The following FBN1 variants were observed in gnomAD, a reference collection of about 807,000 sequenced individuals.
The protein encoded by FBN1 is fibrillin 1, also known as fibrillin-1.
FBN1 carries 29 observed loss-of-function variants against 365.1 expected under a neutral mutation model. The ratio of observed to expected loss-of-function variants is 0.08; its 90% CI spans 0.06 to 0.11. The LOEUF is 0.11. Among genes scored for constraint, FBN1 ranks in the 10% least tolerant of loss-of-function variants. The pLI is 1.00. For synonymous variants in FBN1, 1,210 were observed against 1,270.5 expected (o/e 0.95, Z 1.01); for missense variants, 2,476 against 3,703.2 (o/e 0.67, Z 8.60).
At chr15:48,523,595 TAAGTA>T (rs2043879357) in intron 9 of FBN1, among the ~76,000 whole-genome samples, 1 of 150,920 alleles carries the variant, frequency 6.6e-6, no homozygotes, top group African/African-American at 2.4e-5. Flanking sequence ...TACAGGCTAA[TAAGTA>T]AAGGAAGAAA....
At chr15:48,464,489 C>T (rs1039548839) in intron 40 of FBN1, among the ~76,000 whole-genome samples, 1 of 152,064 alleles carries the variant, frequency 6.6e-6, no homozygotes, top group African/African-American at 2.4e-5. Flanking sequence ...GCACTCCAGC[C>T]TGGGCAACAG....
rs1449383561 is a variant in FBN1 at position 48,600,119 on chromosome 15, T to C, written c.442+20A>G. 6.4e-7 allele frequency: 1 copy of C among 1,551,754 alleles called. No individual in the cohort carries two copies. The highest frequency in any genetic ancestry group is 1.1e-5 in the South Asian group (1 of 89,902). On this transcript the variant is annotated intron_variant, in intron 5 of 65. Transcript: ENST00000316623. ...CAAACAGGTTAACATCTAGAATACT[T>C]ATAACTACAGTGTACTTACGTTGTC...
intron 17 of FBN1, among the ~76,000 whole-genome samples, chr15:48,502,714 A>C (rs917129087): frequency 4.6e-5 from 7 of 152,222 alleles, no homozygotes; most frequent in African/African-American, 1.4e-4. Context: ...TGGATTATCT[A>C]AGGCAACTCA....
intron 14 of FBN1, among the ~76,000 whole-genome samples, chr15:48,509,465 T>C (rs1278173851): frequency 6.8e-6 from 1 of 147,810 alleles, no homozygotes; most frequent in Non-Finnish European, 1.5e-5. Flanking sequence ...ATATAATGTA[T>C]TTTAAATATA....
At chr15:48,486,925 G>C (rs1325504414) in intron 29 of FBN1, 150 bp downstream of exon 29, 3 of 523,346 alleles carry the variant, frequency 5.7e-6, no homozygotes, top group Non-Finnish European at 8.7e-6. Context: ...AAACAAGAAA[G>C]ATAAGTAAAA....
chr15:48,513,795 T>A (rs1597580123), intron 12 of FBN1, 127 bp from the exon 13 acceptor site: 1 of 1,105,518 alleles, frequency 9.0e-7, no homozygotes, highest in African/African-American at 1.6e-5. Flanking sequence ...AATAAAAGGA[T>A]CTTTTTTCTT....
chr15:48,530,460 A>T (rs1463820333), intron 8 of FBN1, among the ~76,000 whole-genome samples: 1 of 152,226 alleles, frequency 6.6e-6, no homozygotes, highest in Non-Finnish European at 1.5e-5. Flanking sequence ...TAATTGACTT[A>T]TCTAAGATCA....
chr15:48,594,625 G>A (rs939805274), intron 6 of FBN1, among the ~76,000 whole-genome samples: 7 of 152,160 alleles, frequency 4.6e-5, no homozygotes, highest in African/African-American at 1.7e-4. Flanking sequence ...AGAAATCACT[G>A]TGGAATGGTT....
rs2043243026 is a variant in FBN1 at position 48,456,836 on chromosome 15, G to GTGCA, written c.5297-75_5297-74insTGCA. 2.2e-6 allele frequency: 3 copies of GTGCA among 1,368,706 alleles called. No individual in the cohort carries two copies. The South Asian group carries it at 3.5e-5, about 16-fold the overall frequency. 84.8% of individuals were successfully genotyped at this position (1,368,706 alleles called of 1,614,324 possible). ...TGTGCAGGGTAAGACAAGATGGAAAGTGCGTGCGTGTGTGTGTGTGTGTGT... is the reference window on the plus strand; with the variant it reads ...TGTGCAGGGTAAGACAAGATGGAAAGTGCATGCGTGCGTGTGTGTGTGTGTGTGT... On this transcript the variant is annotated intron_variant, in intron 43 of 65. Transcript: ENST00000316623.
chr15:48,609,554 A>G (rs1372689461), intron 4 of FBN1, among the ~76,000 whole-genome samples: 1 of 152,248 alleles, frequency 6.6e-6, no homozygotes, highest in Non-Finnish European at 1.5e-5. Flanking sequence ...GGGGAACTTC[A>G]GGAGACAGTG....
rs796387339 is a variant in FBN1, at chr15:48,532,490, G to A, written c.862+1590C>T. Among the ~76,000 whole-genome samples the A allele has an allele frequency of 3.5e-3, 523 of 149,224 alleles. 5 individuals carry two copies. The highest frequency in any genetic ancestry group is 0.011 in the African/African-American group (454 of 40,272). The stretch of plus-strand genomic sequence containing the variant: ...TGTGTGTGTATATGTGTGTGTGTGT[G>A]TATATATATATGTGTATGTGTGTGT... On this transcript the variant is annotated intron_variant, in intron 8 of 65. Coordinates refer to ENST00000316623, the MANE Select transcript of FBN1 (RefSeq NM_000138.5).
chr15:48,494,968 A>G (rs554099159), intron 22 of FBN1, among the ~76,000 whole-genome samples, 155 bp downstream of exon 22: 18 of 152,322 alleles, frequency 1.2e-4, no homozygotes, highest in South Asian at 2.1e-4. Flanking sequence ...AAAATTTGAC[A>G]CTTCTTATTT....
intron 46 of FBN1, among the ~76,000 whole-genome samples, chr15:48,447,469 T>C (rs1441543286): frequency 6.6e-6 from 1 of 152,214 alleles, no homozygotes; most frequent in African/African-American, 2.4e-5. Context: ...GATTGGTCCG[T>C]ACTTTTCTCT....
intron 60 of FBN1, among the ~76,000 whole-genome samples, chr15:48,422,571 C>A (rs959560056): frequency 1.3e-5 from 2 of 152,148 alleles, no homozygotes; most frequent in African/African-American, 4.8e-5. Context: ...TTTCTTTAGT[C>A]GTGATTCTTC....
chr15:48,478,472 G>C (rs539089457), intron 32 of FBN1, among the ~76,000 whole-genome samples: 2 of 152,198 alleles, frequency 1.3e-5, no homozygotes, highest in African/African-American at 4.8e-5. Context: ...TCCACTTAAT[G>C]GTATGCTTGC....
At chr15:48,521,931 G>C (rs1039935152) in intron 9 of FBN1, among the ~76,000 whole-genome samples, 1 of 152,236 alleles carries the variant, frequency 6.6e-6, no homozygotes, top group African/African-American at 2.4e-5. Flanking sequence ...CTGTACAGCA[G>C]GGGGTGAGCG....
chr15:48,525,799 G>C (rs2043906124), intron 9 of FBN1, among the ~76,000 whole-genome samples: 1 of 152,132 alleles, frequency 6.6e-6, no homozygotes, highest in Admixed American at 6.5e-5. Context: ...TAGGTTCTGG[G>C]GAATGACTGA....
chr15:48,416,533 T>TCTTG (rs2042904693), intron 63 of FBN1: 1 of 153,036 alleles, frequency 6.5e-6, no homozygotes, highest in South Asian at 2.1e-4. Flanking sequence ...GGTGCAGACT[T>TCTTG]CACAAGCAGT....
In FBN1 at chr15:48,422,369, T is replaced by C. The variant is rs80172699; in HGVS notation, c.7454-301A>G. 1.1e-3 allele frequency among the ~76,000 whole-genome samples: 160 copies of C among 152,304 alleles called. 5 individuals are homozygous for C. In the East Asian group the frequency reaches 0.029, roughly 28 times the overall value. ...CAACAAAGGAATTTCAAATAAATCA[T>C]GACATTTTAAACAAATTTTTAAATG... On this transcript the variant is annotated intron_variant, in intron 60 of 65. Transcript: ENST00000316623.
Sources: allele counts gnomAD v4.1 joint callset (sites outside exome capture counted in the v4.1 genomes callset), GRCh38; gene constraint gnomAD v4.1.1; transcripts MANE v1.5; gene names NCBI Gene and HGNC (gene_info 2026-07-23, HGNC 2026-07-21).